The following ASTN2 variants were observed in gnomAD, a reference collection of about 807,000 sequenced individuals.
The protein encoded by ASTN2 is astrotactin-2.
Under a neutral mutation model 139.8 loss-of-function variants are expected in ASTN2, and 54 were observed. The ratio of observed to expected loss-of-function variants is 0.39; its 90% CI spans 0.31 to 0.48. The LOEUF (loss-of-function observed/expected upper bound fraction) is 0.48. ASTN2 is among the 20% of genes least tolerant of loss of function. The pLI is 0.95. For synonymous variants in ASTN2, 756 were observed against 719.5 expected, an observed-to-expected ratio of 1.05 and a Z score of -0.81; for missense variants, 1,565 against 1,725.1, an observed-to-expected ratio of 0.91 and a Z score of 1.64.
chr9:116,502,770 G>C (rs1028865683), intron 19 of ASTN2, among the ~76,000 whole-genome samples: 3 of 66,656 alleles, frequency 4.5e-5, no homozygotes, highest in African/African-American at 1.7e-4. Flanking sequence ...AGAGAAGGAA[G>C]GAAGGAAGAT....
At chr9:116,668,241 G>T (rs1044450215) in intron 16 of ASTN2, among the ~76,000 whole-genome samples, 3 of 150,784 alleles carry the variant, frequency 2.0e-5, no homozygotes, top group African/African-American at 7.3e-5. Context: ...ACCCAGGCTG[G>T]AGTACAGTTG....
At chr9:116,463,961 T>C (rs1848574541) in intron 20 of ASTN2, among the ~76,000 whole-genome samples, 1 of 146,674 alleles carries the variant, frequency 6.8e-6, no homozygotes, top group African/African-American at 2.5e-5. Flanking sequence ...TTGTCCAGGC[T>C]GGCCTTGAAC....
intron 5 of ASTN2, among the ~76,000 whole-genome samples, chr9:117,061,960 T>C (rs531511928): frequency 1.2e-4 from 18 of 152,348 alleles, no homozygotes; most frequent in African/African-American, 2.6e-4. Flanking sequence ...ATTACAACAC[T>C]GTCCATACTT....
At chr9:116,936,199 A>G (rs1015264109) in intron 10 of ASTN2, among the ~76,000 whole-genome samples, 32 of 144,286 alleles carry the variant, frequency 2.2e-4, no homozygotes, top group Non-Finnish European at 4.0e-4. Flanking sequence ...CAGTACCACA[A>G]CCATCACCAT....
chr9:116,741,138 T>C (rs1039652656), intron 13 of ASTN2, among the ~76,000 whole-genome samples: 2 of 152,190 alleles, frequency 1.3e-5, no homozygotes, highest in African/African-American at 2.4e-5. Flanking sequence ...CTCAGGTCTT[T>C]GCTGCCTGCC....
intron 4 of ASTN2, among the ~76,000 whole-genome samples, chr9:117,130,117 G>C (rs56754405): frequency 0.038 from 5,818 of 152,090 alleles, 170 homozygotes; most frequent in South Asian, 0.083. Context: ...GACTAGCCTG[G>C]GCAGCATGGT....
intron 5 of ASTN2, among the ~76,000 whole-genome samples, chr9:117,065,130 T>C (rs1008944775): frequency 1.3e-5 from 2 of 152,056 alleles, no homozygotes; most frequent in African/African-American, 4.8e-5. Context: ...ACTAGGAACT[T>C]CGAGGATTGC....
At chr9:117,221,095 C>T (rs963428388) in intron 2 of ASTN2, among the ~76,000 whole-genome samples, 1 of 152,176 alleles carries the variant, frequency 6.6e-6, no homozygotes, top group Non-Finnish European at 1.5e-5. Flanking sequence ...ACCAGACTTT[C>T]CAGAGGAATG....
intron 3 of ASTN2, among the ~76,000 whole-genome samples, chr9:117,177,590 C>T (rs1299032773): frequency 1.3e-5 from 2 of 152,094 alleles, no homozygotes; most frequent in Non-Finnish European, 2.9e-5. Context: ...CAAACATGGG[C>T]CCCACATTTT....
intron 2 of ASTN2, among the ~76,000 whole-genome samples, chr9:117,263,407 T>C (rs1833870371): frequency 6.6e-6 from 1 of 152,214 alleles, no homozygotes; most frequent in Admixed American, 6.5e-5. Flanking sequence ...GTTGGATTTA[T>C]ATCACCTGCA....
chr9:116,681,716 C>T (rs1408948798), intron 16 of ASTN2, among the ~76,000 whole-genome samples: 2 of 152,082 alleles, frequency 1.3e-5, no homozygotes, highest in Non-Finnish European at 2.9e-5. Context: ...TCAGAAATAA[C>T]ACCGCATATC....
At chr9:116,796,847 T>C (rs1830704769) in intron 13 of ASTN2, among the ~76,000 whole-genome samples, 1 of 152,170 alleles carries the variant, frequency 6.6e-6, no homozygotes, top group African/African-American at 2.4e-5. Context: ...GATCTCACAG[T>C]GTCACCCAGG....
chr9:116,652,427 G>C (rs1246158259), intron 16 of ASTN2, among the ~76,000 whole-genome samples: 1 of 152,148 alleles, frequency 6.6e-6, no homozygotes, highest in African/African-American at 2.4e-5. Flanking sequence ...AATATTCAAA[G>C]ATATTTTTTA....
At chr9:117,261,274 G>A (rs1350867434) in intron 2 of ASTN2, among the ~76,000 whole-genome samples, 2 of 152,202 alleles carry the variant, frequency 1.3e-5, no homozygotes, top group Non-Finnish European at 2.9e-5. Flanking sequence ...GACTAGGCAA[G>A]TTGAGGGTGT....
chr9:116,901,163 T>G (rs1316109546), intron 10 of ASTN2, among the ~76,000 whole-genome samples: 2 of 151,968 alleles, frequency 1.3e-5, no homozygotes, highest in African/African-American at 4.8e-5. Context: ...CATTTTTACT[T>G]TAACTCACCT....
At chr9:116,548,326 T>G (rs1852194151) in intron 19 of ASTN2, among the ~76,000 whole-genome samples, 1 of 152,188 alleles carries the variant, frequency 6.6e-6, no homozygotes, top group Non-Finnish European at 1.5e-5. Context: ...CTGTACTGAC[T>G]CACAGCATGA....
At chr9:116,755,829 C>T (rs976072467) in intron 13 of ASTN2, among the ~76,000 whole-genome samples, 8 of 152,118 alleles carry the variant, frequency 5.3e-5, no homozygotes, top group African/African-American at 1.2e-4. Flanking sequence ...TATCTGAGTA[C>T]GGAAGAGGCA....
intron 20 of ASTN2, among the ~76,000 whole-genome samples, chr9:116,482,662 C>G (rs1229970187): frequency 6.6e-6 from 1 of 152,050 alleles, no homozygotes; most frequent in Non-Finnish European, 1.5e-5. Context: ...CTCCCAACCT[C>G]GGGCTTTTTT....
In ASTN2 at chr9:116,699,419, G is replaced by A. The variant is rs1861059835; in HGVS notation, c.2806+26352C>T. 1.2e-6 allele frequency: 2 copies of A among 1,614,074 alleles called. No individual in the cohort carries two copies. Among genetic ancestry groups the A allele is most frequent in the African/African-American group, 2.7e-5 (2 of 74,932 alleles). ...CCATTGGCTCTGTAGGCCCTGATGGGCAGCTGGGTCGCCAGATTAGCCACT... is the reference window on the plus strand; with the variant it reads ...CCATTGGCTCTGTAGGCCCTGATGGACAGCTGGGTCGCCAGATTAGCCACT... On this transcript the variant is annotated intron_variant, in intron 16 of 22. Coordinates refer to ENST00000313400, the MANE Select transcript of ASTN2 (RefSeq NM_001365068.1). This position sits in a 1 kb window ranked among gnomAD's most constrained non-coding sequence, Gnocchi z 4.2.
Sources: allele counts gnomAD v4.1 joint callset (sites outside exome capture counted in the v4.1 genomes callset), GRCh38; gene constraint gnomAD v4.1.1; non-coding constraint Gnocchi (gnomAD v3.1); transcripts MANE v1.5; gene names NCBI Gene and HGNC (gene_info 2026-07-23, HGNC 2026-07-21).